Variants in PDE4D observed in about 807,000 individuals in gnomAD.
PDE4D encodes 3',5'-cyclic-AMP phosphodiesterase 4D.
In PDE4D, 24 loss-of-function variants were observed where a neutral mutation model predicts 87.4. The observed-to-expected ratio is 0.27, with a 90% CI of 0.20 to 0.39. The LOEUF (loss-of-function observed/expected upper bound fraction) is 0.39, where lower values mean the gene tolerates loss of function less well. PDE4D is among the 10% of genes least tolerant of loss of function. The probability of loss-of-function intolerance (pLI) is 1.00; values close to 1 mark genes in which losing one functional copy is unlikely to be tolerated. For missense variants in PDE4D, 714 were observed against 1,041.0 expected, an observed-to-expected ratio of 0.69 and a Z score of 4.32; for synonymous variants, 384 against 383.2, an observed-to-expected ratio of 1.00 and a Z score of -0.02.
In PDE4D at chr5:59,137,208, A is replaced by G. The variant is rs958555762; in HGVS notation, c.808+43387T>C. 5.3e-5 allele frequency among the ~76,000 whole-genome samples: 8 copies of G among 152,192 alleles called. 1 individual carries two copies. The highest frequency in any genetic ancestry group is 4.6e-4 in the Admixed American group (7 of 15,290). ...TTCCCTTGCACCTCTGTCCTTTGGT[A>G]CAAAGATTTCTACGTTTGCGTTAGT... On this transcript the variant is annotated intron_variant, in intron 5 of 14. Coordinates refer to ENST00000340635, the MANE Select transcript of PDE4D (RefSeq NM_001104631.2).
chr5:59,224,322 ACACACACT>A (rs1753262529), intron 1 of PDE4D, among the ~76,000 whole-genome samples: 1 of 151,336 alleles, frequency 6.6e-6, no homozygotes, highest in South Asian at 2.1e-4. Flanking sequence ...ACACACACAC[ACACACACT>A]GGTACAAAGA....
intron 1 of PDE4D, among the ~76,000 whole-genome samples, chr5:60,245,659 T>C (rs1417475853): frequency 6.6e-6 from 1 of 152,012 alleles, no homozygotes; most frequent in Non-Finnish European, 1.5e-5. Context: ...TTGTGTTAAG[T>C]TAAATAAGCC....
chr5:59,263,229 G>A (rs943085635), intron 1 of PDE4D, among the ~76,000 whole-genome samples: 1 of 151,992 alleles, frequency 6.6e-6, no homozygotes, highest in Admixed American at 6.6e-5. Context: ...GAATGCCCAT[G>A]ATGGAGCAGG....
intron 1 of PDE4D, among the ~76,000 whole-genome samples, chr5:59,452,229 C>A (rs1799274536): frequency 6.6e-6 from 1 of 152,154 alleles, no homozygotes; most frequent in Non-Finnish European, 1.5e-5. Flanking sequence ...GAGGTTTTAG[C>A]CTAAATTTTA....
At chr5:59,316,115 C>A (rs1773667744) in intron 1 of PDE4D, among the ~76,000 whole-genome samples, 1 of 152,120 alleles carries the variant, frequency 6.6e-6, no homozygotes, top group African/African-American at 2.4e-5. Flanking sequence ...CCTGCCTGGA[C>A]TCACCTCCCG....
At chr5:58,992,702 C>T (rs1435344716) in intron 7 of PDE4D, among the ~76,000 whole-genome samples, 1 of 152,086 alleles carries the variant, frequency 6.6e-6, no homozygotes, top group African/African-American at 2.4e-5. Flanking sequence ...CTTTCATCCA[C>T]GATTTCAAGG....
At chr5:59,224,621 CAT>C (rs1434756806) in intron 1 of PDE4D, among the ~76,000 whole-genome samples, 1 of 152,150 alleles carries the variant, frequency 6.6e-6, no homozygotes, top group Non-Finnish European at 1.5e-5. Context: ...CCCTATAATT[CAT>C]ATGTTGAAGC....
intron 1 of PDE4D, among the ~76,000 whole-genome samples, chr5:59,690,150 A>G (rs1306499940): frequency 6.6e-6 from 1 of 152,196 alleles, no homozygotes. Flanking sequence ...GCCCAAGGTA[A>G]TTTATAGATT....
chr5:59,160,695 G>T (rs1780939921), intron 5 of PDE4D, among the ~76,000 whole-genome samples: 1 of 152,044 alleles, frequency 6.6e-6, no homozygotes, highest in African/African-American at 2.4e-5. Flanking sequence ...ATCCCTAAGT[G>T]CTTAGCACAC....
chr5:59,127,976 T>C (rs1414580795), intron 5 of PDE4D, among the ~76,000 whole-genome samples: 2 of 151,534 alleles, frequency 1.3e-5, no homozygotes, highest in East Asian at 3.9e-4. Flanking sequence ...GAGGGCTAAG[T>C]GGATCACAGC....
chr5:60,013,019 T>C (rs985077934), intron 2 of PDE4D, among the ~76,000 whole-genome samples: 6 of 152,172 alleles, frequency 3.9e-5, no homozygotes, highest in Admixed American at 1.3e-4. Context: ...ACATACTGGG[T>C]ATATCTAATT....
At chr5:59,719,731 CT>C (rs1755554988) in intron 1 of PDE4D, among the ~76,000 whole-genome samples, 2 of 152,178 alleles carry the variant, frequency 1.3e-5, no homozygotes, top group African/African-American at 4.8e-5. Flanking sequence ...ATTAATACAA[CT>C]CAATATCTAC....
intron 1 of PDE4D, among the ~76,000 whole-genome samples, chr5:59,871,603 TACA>T (rs1434714821): frequency 1.3e-5 from 2 of 152,346 alleles, no homozygotes; most frequent in Admixed American, 1.3e-4. Context: ...GCTTAATTAG[TACA>T]ACTTCAGTAT....
chr5:59,896,998 T>C (rs185048442), upstream of PDE4D, among the ~76,000 whole-genome samples: 11 of 152,300 alleles, frequency 7.2e-5, no homozygotes, highest in Non-Finnish European at 1.3e-4. Context: ...TAGTTGACCA[T>C]AGATTTTGGA....
chr5:59,079,891 TGGGCAG>T lies in PDE4D; in HGVS notation c.809-40926_809-40921del, dbSNP rs1228380631. ...AGAGGAGAGGAGAGGAGAAGGGGAA[TGGGCAG>T]GGGCAGGGGCAAGGCAAGGAAAGGG... On this transcript the variant is annotated intron_variant, in intron 5 of 14. Transcript: ENST00000340635. Among the ~76,000 whole-genome samples, 16 of 27,698 alleles carry T rather than the reference TGGGCAG, an allele frequency of 5.8e-4. No individual in the cohort carries two copies. In the East Asian group the frequency reaches 0.014, roughly 24 times the overall value. The allele number at this position is 27,698 out of a possible 152,430, so 18.2% of individuals were successfully genotyped here. A position where few individuals can be genotyped will look rare whatever the true frequency, so the allele number is the denominator to read the frequency against.
chr5:59,089,821 TA>T (rs536505015), intron 5 of PDE4D, among the ~76,000 whole-genome samples: 183 of 152,316 alleles, frequency 1.2e-3, no homozygotes, highest in African/African-American at 4.3e-3. Flanking sequence ...TAGTCTTTCA[TA>T]AACTGTAAAG....
intron 1 of PDE4D, among the ~76,000 whole-genome samples, chr5:59,525,695 C>T (rs530549963): frequency 6.6e-6 from 1 of 152,254 alleles, no homozygotes; most frequent in African/African-American, 2.4e-5. Context: ...ATTGTAATCC[C>T]CATGTTTTGG....
At chr5:59,121,737 A>G (rs1193573254) in intron 5 of PDE4D, among the ~76,000 whole-genome samples, 1 of 152,190 alleles carries the variant, frequency 6.6e-6, no homozygotes, top group African/African-American at 2.4e-5. Flanking sequence ...AAAGGAAAAG[A>G]AATTGGTGTA....
At chr5:59,591,038 G>A (rs914756050) in intron 1 of PDE4D, among the ~76,000 whole-genome samples, 5 of 152,078 alleles carry the variant, frequency 3.3e-5, no homozygotes, top group Non-Finnish European at 7.4e-5. Flanking sequence ...GGTCAGCTGA[G>A]GGGCAAGGTA....
Sources: gnomAD v4.1 joint callset for allele counts (sites outside exome capture counted in the v4.1 genomes callset) on GRCh38, gnomAD v4.1.1 for gene constraint, MANE v1.5 for transcripts, NCBI Gene and HGNC (gene_info 2026-07-23, HGNC 2026-07-21) for gene names.